TEX36: variants seen among roughly 807,000 people sequenced by gnomAD.
TEX36 encodes testis expressed 36.
Under a neutral mutation model 13.6 loss-of-function variants are expected in TEX36, and 12 were observed. The ratio of observed to expected loss-of-function variants is 0.88; its 90% CI spans 0.56 to 1.43. TEX36 has a LOEUF of 1.43. TEX36 is among the 40% of genes most tolerant of loss of function. The pLI, the probability that TEX36 is intolerant of heterozygous loss-of-function variation, is 0.00. For synonymous variants in TEX36, 93 were observed against 83.0 expected (o/e 1.12, Z -0.65); for missense variants, 224 against 228.3 (o/e 0.98, Z 0.12).
At chr10:125,594,522 A>C (rs1419253197) in intron 3 of TEX36, among the ~76,000 whole-genome samples, 1 of 152,230 alleles carries the variant, frequency 6.6e-6, no homozygotes. Context: ...AGTTTAGCAC[A>C]TCTCTCTCAG....
In TEX36 at chr10:125,658,557, CA is replaced by C. The variant is rs539271559; in HGVS notation, c.265-2362del. On this transcript the variant is annotated intron_variant, in intron 3 of 3. Transcript: ENST00000368821. ...TAAATATAAAGAACTTTGTAACCAACAGGGGGGAATATATATTATTTGTAAA... is the reference window on the plus strand; with the variant it reads ...TAAATATAAAGAACTTTGTAACCAACGGGGGGAATATATATTATTTGTAAA... 2.4e-3 allele frequency among the ~76,000 whole-genome samples: 361 copies of C among 152,058 alleles called. 1 individual carries two copies. Among genetic ancestry groups the C allele is most frequent in the African/African-American group, 7.7e-3 (321 of 41,516 alleles).
At chr10:125,664,433 C>T (rs1301130230) in intron 1 of TEX36, among the ~76,000 whole-genome samples, 1 of 152,076 alleles carries the variant, frequency 6.6e-6, no homozygotes, top group African/African-American at 2.4e-5. Flanking sequence ...TCCATAGTGG[C>T]TACTATGGTT....
downstream of TEX36, among the ~76,000 whole-genome samples, chr10:125,620,342 T>C (rs1354886447): frequency 6.6e-6 from 1 of 152,252 alleles, no homozygotes; most frequent in Non-Finnish European, 1.5e-5. Flanking sequence ...AATGGCCTTT[T>C]CTTTGATTAC....
chr10:125,672,090 A>G (rs1055918205), intron 1 of TEX36, among the ~76,000 whole-genome samples: 25 of 147,882 alleles, frequency 1.7e-4, no homozygotes, highest in Non-Finnish European at 2.5e-4. Context: ...TCCTAGATTC[A>G]TTGATTTTTT....
chr10:125,645,391 G>A (rs978813898), intron 3 of TEX36, among the ~76,000 whole-genome samples: 9 of 152,052 alleles, frequency 5.9e-5, no homozygotes, highest in Admixed American at 5.9e-4. Flanking sequence ...AGGGGGACAG[G>A]TGCCTTGATA....
chr10:125,595,306 A>G (rs746014148), intron 3 of TEX36, among the ~76,000 whole-genome samples: 3 of 152,028 alleles, frequency 2.0e-5, no homozygotes, highest in Non-Finnish European at 2.9e-5. Context: ...CAAAATAAAT[A>G]AATATTAATA....
intron 3 of TEX36, chr10:125,576,919 T>G (rs115195351): frequency 6.5e-7 from 1 of 1,535,182 alleles, no homozygotes; most frequent in African/African-American, 1.4e-5. Flanking sequence ...AGTTGTGTGC[T>G]TAAATCCTTG....
chr10:125,592,921 G>A (rs1846039047), intron 3 of TEX36, among the ~76,000 whole-genome samples: 2 of 152,304 alleles, frequency 1.3e-5, no homozygotes, highest in African/African-American at 4.8e-5. Flanking sequence ...GGGGCACAGA[G>A]CTTCCATGTC....
intron 3 of TEX36, among the ~76,000 whole-genome samples, chr10:125,615,718 C>T (rs908657243): frequency 3.3e-5 from 5 of 151,622 alleles, no homozygotes; most frequent in African/African-American, 9.7e-5. Flanking sequence ...CATCAATGTT[C>T]ATCAAGGATA....
exon 4 of TEX36, chr10:125,576,836 G>T (rs556604892): frequency 8.7e-4 from 1,336 of 1,536,082 alleles, no homozygotes; most frequent in Non-Finnish European, 1.1e-3. Context: ...CTTGTCTCTT[G>T]TCTGGTTCTC....
exon 4 of TEX36, chr10:125,576,708 G>T: frequency 1.3e-6 from 2 of 1,534,106 alleles, no homozygotes; most frequent in African/African-American, 2.7e-5. Flanking sequence ...TATTAGTCAG[G>T]ACTCTGGGGA....
chr10:125,576,533 A>G (rs1018553862), exon 4 of TEX36: 4 of 596,150 alleles, frequency 6.7e-6, no homozygotes, highest in Non-Finnish European at 1.1e-5. Flanking sequence ...TCTTCCTGCC[A>G]GGGAGATAGC....
intron 1 of TEX36, among the ~76,000 whole-genome samples, chr10:125,670,209 C>T (rs985358156): frequency 6.6e-6 from 1 of 152,212 alleles, no homozygotes; most frequent in East Asian, 1.9e-4. Flanking sequence ...ACATTCCCAC[C>T]AATAGCGTAA....
chr10:125,625,419 G>C (rs1207402908), intron 3 of TEX36, among the ~76,000 whole-genome samples: 1 of 152,184 alleles, frequency 6.6e-6, no homozygotes, highest in Non-Finnish European at 1.5e-5. Flanking sequence ...CCAAATTGAA[G>C]GTAAAAGTCA....
At chr10:125,582,376 G>A (rs1255713386) in intron 3 of TEX36, among the ~76,000 whole-genome samples, 3 of 152,340 alleles carry the variant, frequency 2.0e-5, no homozygotes, top group East Asian at 3.9e-4. Flanking sequence ...GGCTCTGGAA[G>A]GTGAGGTGGC....
At chr10:125,644,102 T>C (rs577720167) in intron 3 of TEX36, among the ~76,000 whole-genome samples, 2 of 152,290 alleles carry the variant, frequency 1.3e-5, no homozygotes, top group Admixed American at 6.5e-5. Context: ...CAGAATCAAA[T>C]ATTACACCCA....
chr10:125,609,099 G>A (rs1846257301), intron 3 of TEX36, among the ~76,000 whole-genome samples: 1 of 150,868 alleles, frequency 6.6e-6, no homozygotes, highest in Non-Finnish European at 1.5e-5. Flanking sequence ...AAGTTGCAGT[G>A]AGCCGAGATG....
intron 3 of TEX36, among the ~76,000 whole-genome samples, chr10:125,624,950 AGAG>A (rs1178631990): frequency 6.6e-6 from 1 of 152,190 alleles, no homozygotes; most frequent in Admixed American, 6.5e-5. Flanking sequence ...CCAAAACTGC[AGAG>A]GAGGCCAGGG....
Position 125,666,670 on chromosome 10 carries a change from C to G in TEX36, c.52-4693G>C, listed in dbSNP as rs184254079. ...TGGCTGTAGTTCTCTCCCCGCCCCC[C>G]CTCCTCCAACCTTGAATAGCTGTTT... is the stretch of plus-strand genomic sequence containing the variant. On this transcript the variant is annotated intron_variant, in intron 1 of 3. Coordinates refer to ENST00000368821, the MANE Select transcript of TEX36 (RefSeq NM_001128202.3). 1.8e-3 allele frequency among the ~76,000 whole-genome samples: 272 copies of G among 152,226 alleles called. 2 individuals are homozygous for G. The highest frequency in any genetic ancestry group is 0.015 in the Admixed American group (229 of 15,284).
Sources: gnomAD v4.1 joint callset for allele counts (sites outside exome capture counted in the v4.1 genomes callset) on GRCh38, gnomAD v4.1.1 for gene constraint, MANE v1.5 for transcripts, NCBI Gene and HGNC (gene_info 2026-07-23, HGNC 2026-07-21) for gene names.